The following KCNIP3 variants were observed in gnomAD, a reference collection of about 807,000 sequenced individuals.
The protein encoded by KCNIP3 is potassium voltage-gated channel interacting protein 3.
KCNIP3 carries 28 observed loss-of-function variants against 35.0 expected under a neutral mutation model. The observed-to-expected ratio is 0.80, with a 90% CI of 0.59 to 1.10. KCNIP3 has a LOEUF of 1.10. Among genes scored for constraint, KCNIP3 ranks in the 50% least tolerant of loss-of-function variants. The probability of loss-of-function intolerance (pLI) is 0.00; values close to 1 mark genes in which losing one functional copy is unlikely to be tolerated. For missense variants in KCNIP3, 295 were observed against 338.4 expected (o/e 0.87, Z 1.01); for synonymous variants, 134 against 133.8 (o/e 1.00, Z -0.01).
At chr2:95,332,335 C>T (rs1678952686) in intron 2 of KCNIP3, among the ~76,000 whole-genome samples, 3 of 152,250 alleles carry the variant, frequency 2.0e-5, no homozygotes, top group Non-Finnish European at 4.4e-5. Context: ...TAAGTCTGGC[C>T]CGCCTTGGTG....
rs1680257603 is a variant in KCNIP3 at position 95,378,487 on chromosome 2, C to T, written c.448-3109C>T. Reference sequence around the variant, plus strand: ...CGGTGGCTCACGCCTGCAATCCCAGCACTTTGAGAGGCCAAGGCGGTCAGA... The same window carrying T: ...CGGTGGCTCACGCCTGCAATCCCAGTACTTTGAGAGGCCAAGGCGGTCAGA... On this transcript the variant is annotated intron_variant, in intron 5 of 8. Coordinates refer to ENST00000295225, the MANE Select transcript of KCNIP3 (RefSeq NM_013434.5). The surrounding 1 kb of genome is among the most constrained non-coding windows in gnomAD (Gnocchi z 4.0). 6.6e-6 allele frequency among the ~76,000 whole-genome samples: 1 copy of T among 151,382 alleles called. No homozygotes were observed. The highest frequency in any genetic ancestry group is 1.5e-5 in the Non-Finnish European group (1 of 67,952).
chr2:95,374,529 T>C (rs1297059703), intron 3 of KCNIP3, 109 bp downstream of exon 3: 60 of 1,370,452 alleles, frequency 4.4e-5, no homozygotes, highest in Non-Finnish European at 5.6e-5. Context: ...AAGGGGCTTA[T>C]GTGTTGTGGG....
At chr2:95,306,448 C>T (rs1001865889) in intron 1 of KCNIP3, among the ~76,000 whole-genome samples, 3 of 152,136 alleles carry the variant, frequency 2.0e-5, no homozygotes, top group African/African-American at 4.8e-5. Context: ...AGAGCTGATG[C>T]GCTAAAGGGG....
At chr2:95,364,199 C>T (rs1303133527) in intron 2 of KCNIP3, among the ~76,000 whole-genome samples, 1 of 152,058 alleles carries the variant, frequency 6.6e-6, no homozygotes, top group African/African-American at 2.4e-5. Flanking sequence ...CCCTTTGACT[C>T]CTGGTTTGCT....
chr2:95,322,817 A>G (rs937304765), intron 2 of KCNIP3, among the ~76,000 whole-genome samples: 5 of 152,110 alleles, frequency 3.3e-5, no homozygotes, highest in Admixed American at 2.6e-4. Flanking sequence ...TCAAAACACC[A>G]CCCAACCCCA....
At chr2:95,357,456 G>C (rs1679682336) in intron 2 of KCNIP3, among the ~76,000 whole-genome samples, 1 of 152,166 alleles carries the variant, frequency 6.6e-6, no homozygotes, top group Non-Finnish European at 1.5e-5. Context: ...AGAGGCACCA[G>C]TGGGCAATTC....
chr2:95,340,479 C>T (rs530086302), intron 2 of KCNIP3, among the ~76,000 whole-genome samples: 19 of 152,360 alleles, frequency 1.2e-4, no homozygotes, highest in African/African-American at 4.1e-4. Context: ...GATGGTCACA[C>T]GTGTAGCTAA....
chr2:95,381,868 C>G (rs1221767022), intron 6 of KCNIP3, among the ~76,000 whole-genome samples, 165 bp downstream of exon 6: 1 of 152,212 alleles, frequency 6.6e-6, no homozygotes, highest in African/African-American at 2.4e-5. Flanking sequence ...CTCTCCTGGG[C>G]TCGGTCCTGG....
chr2:95,321,948 C>T (rs1322908954), intron 2 of KCNIP3, among the ~76,000 whole-genome samples: 1 of 152,160 alleles, frequency 6.6e-6, no homozygotes, highest in African/African-American at 2.4e-5. Flanking sequence ...CCACTCAATT[C>T]TCCTCAGGCC....
chr2:95,352,136 G>A (rs1417711264), intron 2 of KCNIP3, among the ~76,000 whole-genome samples: 4 of 152,146 alleles, frequency 2.6e-5, no homozygotes, highest in Non-Finnish European at 2.9e-5. Context: ...GGTGGCGGGC[G>A]TCTGTAATTT....
chr2:95,358,505 A>G (rs1363490011), intron 2 of KCNIP3, among the ~76,000 whole-genome samples: 6 of 152,210 alleles, frequency 3.9e-5, no homozygotes, highest in Admixed American at 3.9e-4. Context: ...AGAGGAATTC[A>G]AACTTGATTG....
Position 95,385,040 on chromosome 2 carries a change from C to G in KCNIP3, c.*991C>G, listed in dbSNP as rs1016801159. On this transcript the variant is annotated 3_prime_UTR_variant, in exon 9 of 9. Transcript: ENST00000295225. The stretch of plus-strand genomic sequence containing the variant: ...CCCTCCTCTTCCTGTAGTGCCCCTC[C>G]CATGGCCCAGCAGCTTGGCTGAGCC... 1.3e-5 allele frequency: 2 copies of G among 152,856 alleles called. No individual in the cohort carries two copies. The highest frequency in any genetic ancestry group is 4.8e-5 in the African/African-American group (2 of 41,464). The allele number at this position is 152,856 out of a possible 1,614,324, so 9.5% of individuals were successfully genotyped here.
intron 2 of KCNIP3, among the ~76,000 whole-genome samples, chr2:95,318,657 G>C (rs950731038): frequency 6.6e-6 from 1 of 152,168 alleles, no homozygotes; most frequent in African/African-American, 2.4e-5. Flanking sequence ...TCTCGGCCAC[G>C]GGGCTACGAA....
chr2:95,327,927 C>T lies in KCNIP3; in HGVS notation c.181+17407C>T, dbSNP rs141419535. 4.4e-3 allele frequency among the ~76,000 whole-genome samples: 677 copies of T among 152,360 alleles called. 4 individuals are homozygous for T. The highest frequency in any genetic ancestry group is 6.6e-3 in the Non-Finnish European group (448 of 68,036). ...ACCCCAAACACTCACCCCAAACTTC[C>T]ATGCTAAACTTGCCGTAGAATCTGC... On this transcript the variant is annotated intron_variant, in intron 2 of 8. Coordinates refer to ENST00000295225, the MANE Select transcript of KCNIP3 (RefSeq NM_013434.5).
At chr2:95,364,443 C>T (rs899513861) in intron 2 of KCNIP3, among the ~76,000 whole-genome samples, 1 of 152,158 alleles carries the variant, frequency 6.6e-6, no homozygotes, top group African/African-American at 2.4e-5. Flanking sequence ...TGTTCACTCT[C>T]ACTCTTGCGT....
chr2:95,310,169 G>A, intron 1 of KCNIP3, 186 bp from the exon 2 acceptor site: 1 of 728,848 alleles, frequency 1.4e-6, no homozygotes. Context: ...GGTGTAGAGT[G>A]AAAGGAACCT....
rs370697663 is a variant in KCNIP3, at chr2:95,341,770, C to T, written c.181+31250C>T. On this transcript the variant is annotated intron_variant, in intron 2 of 8. Transcript: ENST00000295225. ...GCTAGTGACACCAGGGCATCCTGTG[C>T]TGAAACAATTGGGAAAAGGTGTCAT... Among the ~76,000 whole-genome samples the T allele has an allele frequency of 3.1e-4, 47 of 152,322 alleles. 1 individual carries two copies. Among genetic ancestry groups the T allele is most frequent in the African/African-American group, 1.1e-3 (46 of 41,572 alleles).
rs191519179 is a variant in KCNIP3 at position 95,338,000 on chromosome 2, G to A, written c.181+27480G>A. Among the ~76,000 whole-genome samples, 144 of 152,326 alleles carry A rather than the reference G, an allele frequency of 9.5e-4. 1 individual carries two copies. The highest frequency in any genetic ancestry group is 3.3e-3 in the African/African-American group (138 of 41,572). On this transcript the variant is annotated intron_variant, in intron 2 of 8. Coordinates refer to ENST00000295225, the MANE Select transcript of KCNIP3 (RefSeq NM_013434.5). ...GGAAGCAGGAGAACAAACAGTGAAT[G>A]TTTCTCAGTCAGGTATTAGGCCTGT...
In KCNIP3 at chr2:95,378,865, TACAC is replaced by T. The variant is rs759775327; in HGVS notation, c.448-2721_448-2718del. 8.3e-4 allele frequency among the ~76,000 whole-genome samples: 123 copies of T among 148,702 alleles called. No individual in the cohort carries two copies. Among genetic ancestry groups the T allele is most frequent in the Non-Finnish European group, 1.5e-3 (100 of 67,652 alleles). On this transcript the variant is annotated intron_variant, in intron 5 of 8. Coordinates refer to ENST00000295225, the MANE Select transcript of KCNIP3 (RefSeq NM_013434.5). This position sits in a 1 kb window ranked among gnomAD's most constrained non-coding sequence, Gnocchi z 4.0. ...ATATACACATATATATACACATATA[TACAC>T]ACACACACATATATATACACACACA...
Sources: gnomAD v4.1 joint callset for allele counts (sites outside exome capture counted in the v4.1 genomes callset) on GRCh38, gnomAD v4.1.1 for gene constraint, Gnocchi (gnomAD v3.1) non-coding constraint, MANE v1.5 for transcripts, NCBI Gene and HGNC (gene_info 2026-07-23, HGNC 2026-07-21) for gene names.